The following ANK3 variants were observed in gnomAD, a reference collection of about 807,000 sequenced individuals.
ANK3 encodes the protein ankyrin-3.
In ANK3, 57 loss-of-function variants were observed where a neutral mutation model predicts 370.9. The observed-to-expected ratio is 0.15, with a 90% CI of 0.12 to 0.19. ANK3 has a LOEUF of 0.19. ANK3 is among the 10% of genes least tolerant of loss of function. The pLI is 1.00. For synonymous variants in ANK3, 1,929 were observed against 1,946.3 expected (o/e 0.99, Z 0.23); for missense variants, 4,439 against 5,302.1 (o/e 0.84, Z 5.06).
chr10:60,075,028 T>A lies in ANK3; in HGVS notation c.5853A>T (p.Val1951=). The A allele has an allele frequency of 6.2e-7, 1 of 1,613,952 alleles. No individual in the cohort carries two copies. The highest frequency in any genetic ancestry group is 8.5e-7 in the Non-Finnish European group (1 of 1,179,974). The change falls in exon 37 of 44, where the codon GTA becomes GTT. Residue 1951 remains valine (V), a synonymous_variant. Coordinates refer to ENST00000280772, the MANE Select transcript of ANK3 (RefSeq NM_020987.5). ...DEEPFKIVEK[V]KEDLVKVSEI... is the part of the protein sequence containing the mutation. ...CACTAACTTTCACTAAGTCTTCCTT[T>A]ACTTTCTCTACAATTTTGAAAGGTT... is the stretch of plus-strand genomic sequence containing the variant.
intron 2 of ANK3, among the ~76,000 whole-genome samples, chr10:60,461,612 C>T (rs1463286113): frequency 3.3e-4 from 50 of 151,976 alleles, no homozygotes. Flanking sequence ...AACATTCCAT[C>T]AAAAATTGCA....
At chr10:60,647,280 A>G (rs2133357812) in intron 1 of ANK3, among the ~76,000 whole-genome samples, 1 of 152,328 alleles carries the variant, frequency 6.6e-6, no homozygotes, top group East Asian at 1.9e-4. Flanking sequence ...TCTCATTTAA[A>G]AGCTTTTTGG....
chr10:60,186,056 T>C (rs1423235062), intron 17 of ANK3, among the ~76,000 whole-genome samples: 2 of 152,334 alleles, frequency 1.3e-5, no homozygotes, highest in East Asian at 3.9e-4. Context: ...AAGGCAGCAA[T>C]GTTTCCCATT....
rs1293499707 is a variant in ANK3, at chr10:60,134,388, G to A, written c.2739-15C>T. 1.3e-6 allele frequency: 2 copies of A among 1,597,932 alleles called. No homozygotes were observed. The highest frequency in any genetic ancestry group is 8.5e-7 in the Non-Finnish European group (1 of 1,170,122). On this transcript the variant is annotated splice_polypyrimidine_tract_variant and intron_variant, in intron 24 of 43. Coordinates refer to ENST00000280772, the MANE Select transcript of ANK3 (RefSeq NM_020987.5). ...AGGAGCGGAGGCTGTTGTATTTACA[G>A]TTAACCATTCAACAGTGGTAGATGA...
chr10:60,027,307 TAAA>T lies in ANK3; in HGVS notation c.*2536_*2538del, dbSNP rs775711134. On this transcript the variant is annotated 3_prime_UTR_variant, in exon 44 of 44. Transcript: ENST00000280772. ...GAAAGTTTTTTTTTTTTTTTTTTTT[TAAA>T]AAAAAAACCTCTCAAGGGTCTAACT... 1.2e-4 allele frequency: 16 copies of T among 135,072 alleles called. No homozygotes were observed. Among genetic ancestry groups the T allele is most frequent in the South Asian group, 7.1e-4 (3 of 4,242 alleles). 8.4% of individuals were successfully genotyped at this position (135,072 alleles called of 1,614,324 possible).
chr10:60,527,620 C>G (rs1406874970), intron 2 of ANK3, among the ~76,000 whole-genome samples: 1 of 152,100 alleles, frequency 6.6e-6, no homozygotes, highest in Non-Finnish European at 1.5e-5. Context: ...AACATTTTCT[C>G]TGAAATTCAT....
intron 38 of ANK3, 123 bp from the exon 39 acceptor site, chr10:60,064,411 T>A: frequency 9.9e-7 from 1 of 1,013,890 alleles, no homozygotes; most frequent in Non-Finnish European, 1.4e-6. Flanking sequence ...AAGTACAGCC[T>A]CAGGAATTAA....
intron 25 of ANK3, among the ~76,000 whole-genome samples, chr10:60,117,437 A>G (rs2093173258): frequency 6.6e-6 from 1 of 152,186 alleles, no homozygotes; most frequent in Non-Finnish European, 1.5e-5. Flanking sequence ...CAACTGGGGG[A>G]GAGTTTTGGG....
chr10:60,248,458 TG>T (rs1295786991), intron 7 of ANK3, among the ~76,000 whole-genome samples: 1 of 152,184 alleles, frequency 6.6e-6, no homozygotes, highest in African/African-American at 2.4e-5. Flanking sequence ...ATAAGAAATT[TG>T]GGGGCACTAA....
intron 2 of ANK3, among the ~76,000 whole-genome samples, chr10:60,581,351 T>C (rs1203666895): frequency 6.6e-6 from 1 of 151,728 alleles, no homozygotes; most frequent in East Asian, 1.9e-4. Context: ...GTACCAAGCA[T>C]CTTTACACAC....
intron 1 of ANK3, among the ~76,000 whole-genome samples, chr10:60,623,434 G>A (rs997134285): frequency 2.6e-5 from 4 of 152,154 alleles, no homozygotes; most frequent in African/African-American, 9.7e-5. Context: ...CAAGGACACA[G>A]CAGATAGATA....
intron 1 of ANK3, among the ~76,000 whole-genome samples, chr10:60,307,489 T>A (rs36080943): frequency 0.1 from 15,319 of 151,784 alleles, 973 homozygotes; most frequent in Non-Finnish European, 0.15. Context: ...TGTGCCACTA[T>A]GCCTGGCTAT....
chr10:60,370,950 C>T (rs2060027103), intron 1 of ANK3, among the ~76,000 whole-genome samples: 1 of 152,074 alleles, frequency 6.6e-6, no homozygotes, highest in Non-Finnish European at 1.5e-5. Flanking sequence ...AAGTGGAAAC[C>T]AATCCCTGTG....
intron 2 of ANK3, among the ~76,000 whole-genome samples, chr10:60,478,926 G>A (rs1346288789): frequency 6.6e-6 from 1 of 151,988 alleles, no homozygotes; most frequent in Admixed American, 6.6e-5. Context: ...TTATAATGCT[G>A]TTCTTGGCAT....
chr10:60,724,672 T>G (rs1383806452), intron 1 of ANK3, among the ~76,000 whole-genome samples: 2 of 152,324 alleles, frequency 1.3e-5, no homozygotes, highest in East Asian at 3.9e-4. Flanking sequence ...AACTTAATTT[T>G]TAAATTCACA....
intron 2 of ANK3, among the ~76,000 whole-genome samples, chr10:60,582,812 C>T (rs1162504977): frequency 1.3e-5 from 2 of 152,010 alleles, no homozygotes; most frequent in East Asian, 1.9e-4. Flanking sequence ...GAAGCTTCTT[C>T]GTTTGATCTT....
intron 2 of ANK3, among the ~76,000 whole-genome samples, chr10:60,491,300 C>T (rs1022807221): frequency 6.6e-6 from 1 of 152,120 alleles, no homozygotes; most frequent in East Asian, 1.9e-4. Flanking sequence ...AGTGAGGGAT[C>T]GACCTAGGTG....
At chr10:60,568,905 T>C (rs2077525187) in intron 2 of ANK3, among the ~76,000 whole-genome samples, 1 of 152,178 alleles carries the variant, frequency 6.6e-6, no homozygotes, top group Admixed American at 6.6e-5. Context: ...AAAGGCCATG[T>C]GAGCACATAG....
At chr10:60,184,538 C>T (rs542318754) in intron 17 of ANK3, among the ~76,000 whole-genome samples, 222 of 152,264 alleles carry the variant, frequency 1.5e-3, no homozygotes, top group African/African-American at 5.0e-3. Context: ...TTTTAGAATT[C>T]CTTTAGGAAT....
Sources: allele counts gnomAD v4.1 joint callset (sites outside exome capture counted in the v4.1 genomes callset), GRCh38; gene constraint gnomAD v4.1.1; transcripts MANE v1.5; gene names NCBI Gene and HGNC (gene_info 2026-07-23, HGNC 2026-07-21).